The following UTRN variants were observed in gnomAD, a reference collection of about 807,000 sequenced individuals.
UTRN encodes the protein utrophin, also known as dystrophin-related protein 1.
UTRN carries 283 observed loss-of-function variants against 463.9 expected under a neutral mutation model. The observed-to-expected ratio is 0.61, with a 90% CI of 0.55 to 0.67. The LOEUF (loss-of-function observed/expected upper bound fraction) is 0.67. Among genes scored for constraint, UTRN ranks in the 30% least tolerant of loss-of-function variants. The pLI, the probability that UTRN is intolerant of heterozygous loss-of-function variation, is 0.00. For synonymous variants in UTRN, 1,442 were observed against 1,431.5 expected, an observed-to-expected ratio of 1.01 and a Z score of -0.17; for missense variants, 3,922 against 4,084.3, an observed-to-expected ratio of 0.96 and a Z score of 1.08.
chr6:144,814,765 G>A (rs1415887374), intron 65 of UTRN, among the ~76,000 whole-genome samples: 1 of 152,148 alleles, frequency 6.6e-6, no homozygotes, highest in Non-Finnish European at 1.5e-5. Context: ...AGACTATTGT[G>A]TACGTAATAT....
intron 3 of UTRN, among the ~76,000 whole-genome samples, chr6:144,406,695 C>T (rs542181844): frequency 3.3e-5 from 5 of 152,264 alleles, no homozygotes; most frequent in Admixed American, 2.6e-4. Flanking sequence ...AGAGTATCTA[C>T]GGTGCTTCTA....
intron 27 of UTRN, among the ~76,000 whole-genome samples, chr6:144,484,838 T>C (rs1792265453): frequency 6.6e-6 from 1 of 152,138 alleles, no homozygotes; most frequent in African/African-American, 2.4e-5. Flanking sequence ...GAATTTATTT[T>C]AAAGAGTGAG....
intron 2 of UTRN, among the ~76,000 whole-genome samples, chr6:144,389,258 C>T (rs1331609894): frequency 1.3e-5 from 2 of 152,318 alleles, no homozygotes; most frequent in African/African-American, 2.4e-5. Flanking sequence ...AGGAGGCAAT[C>T]AGATATGCAT....
chr6:144,307,905 A>G (rs1385189541), intron 2 of UTRN, among the ~76,000 whole-genome samples: 1 of 151,948 alleles, frequency 6.6e-6, no homozygotes, highest in Non-Finnish European at 1.5e-5. Context: ...CTGACATCAA[A>G]AGAAATTTCT....
chr6:144,784,705 C>T (rs139408104), intron 61 of UTRN, among the ~76,000 whole-genome samples: 2 of 152,272 alleles, frequency 1.3e-5, no homozygotes, highest in African/African-American at 4.8e-5. Flanking sequence ...TGTGAAATGC[C>T]GTGATTCATA....
At chr6:144,431,407 A>C (rs1785827561) in intron 9 of UTRN, among the ~76,000 whole-genome samples, 1 of 152,234 alleles carries the variant, frequency 6.6e-6, no homozygotes. Context: ...TTAGAGGCTG[A>C]ATTACGTTAA....
At chr6:144,344,489 G>A (rs905446939) in intron 2 of UTRN, among the ~76,000 whole-genome samples, 9 of 152,178 alleles carry the variant, frequency 5.9e-5, no homozygotes, top group Non-Finnish European at 1.2e-4. Context: ...AGAGACCAAC[G>A]CTGTCTGCTT....
chr6:144,562,309 G>A (rs892891522), intron 50 of UTRN, among the ~76,000 whole-genome samples: 1 of 152,094 alleles, frequency 6.6e-6, no homozygotes, highest in Admixed American at 6.6e-5. Flanking sequence ...CATTACCTAG[G>A]TAGTAAGTCC....
intron 3 of UTRN, among the ~76,000 whole-genome samples, chr6:144,414,748 C>T (rs1455753785): frequency 6.8e-6 from 1 of 146,088 alleles, no homozygotes; most frequent in Non-Finnish European, 1.5e-5. Context: ...CAGCGTATCT[C>T]TCTGTTGCCC....
At chr6:144,291,094 G>T (rs1052431378) in intron 1 of UTRN, among the ~76,000 whole-genome samples, 1 of 152,072 alleles carries the variant, frequency 6.6e-6, no homozygotes, top group Non-Finnish European at 1.5e-5. Flanking sequence ...TTTTAAAAAG[G>T]CCAATTTGAC....
intron 51 of UTRN, among the ~76,000 whole-genome samples, chr6:144,590,076 G>C (rs1420249407): frequency 1.3e-5 from 2 of 151,936 alleles, no homozygotes; most frequent in Non-Finnish European, 2.9e-5. Flanking sequence ...GCGCCGGCTG[G>C]TCTCAAACTC....
intron 49 of UTRN, 99 bp from the exon 50 acceptor site, chr6:144,557,058 A>G (rs571737265): frequency 1.1e-3 from 1,610 of 1,444,566 alleles, no homozygotes; most frequent in Non-Finnish European, 1.4e-3. Flanking sequence ...TGATATCTGT[A>G]TCTAAAGCAT....
chr6:144,390,280 C>T (rs1487118978), intron 2 of UTRN, among the ~76,000 whole-genome samples: 1 of 152,128 alleles, frequency 6.6e-6, no homozygotes, highest in African/African-American at 2.4e-5. Context: ...CTATTGCATC[C>T]ACCTCCCCCT....
At chr6:144,391,947 G>C (rs1229257237) in intron 2 of UTRN, among the ~76,000 whole-genome samples, 1 of 152,172 alleles carries the variant, frequency 6.6e-6, no homozygotes, top group East Asian at 1.9e-4. Flanking sequence ...ACAGCTCTGT[G>C]TCCTTTTGAA....
intron 23 of UTRN, among the ~76,000 whole-genome samples, chr6:144,464,390 G>A (rs994910726): frequency 1.3e-5 from 2 of 152,100 alleles, no homozygotes; most frequent in African/African-American, 2.4e-5. Flanking sequence ...GGTAGTGACA[G>A]GAGGTAGTTT....
chr6:144,461,543 A>G (rs557346180), intron 22 of UTRN, among the ~76,000 whole-genome samples: 1 of 152,354 alleles, frequency 6.6e-6, no homozygotes, highest in South Asian at 2.1e-4. Context: ...TCATAGAAGA[A>G]AAGCATATTT....
At chr6:144,672,001 A>C (rs1170409144) in intron 51 of UTRN, among the ~76,000 whole-genome samples, 8 of 152,110 alleles carry the variant, frequency 5.3e-5, no homozygotes, top group African/African-American at 1.9e-4. Context: ...CATCCCTGGT[A>C]TGAAACCCGT....
Position 144,428,782 on chromosome 6 carries a change from G to A in UTRN, c.583G>A (p.Asp195Asn). Residue 195 changes from aspartate to asparagine, a missense_variant, in exon 8 of 75, where the codon GAT becomes AAT. This residue lies in a region of UTRN where 264 missense variants were observed against 327.9 expected (regional missense o/e 0.81). Transcript: ENST00000367545. ...FNAVLHRHKP[D>N]LFSWDKVVKM... ...TTTTATTTGCATGGTTTTCAGACCT[G>A]ATCTCTTCAGCTGGGATAAAGTTGT... 1 of 1,591,536 alleles carries A rather than the reference G, an allele frequency of 6.3e-7. No homozygotes were observed. Among genetic ancestry groups the A allele is most frequent in the Non-Finnish European group, 8.6e-7 (1 of 1,168,320 alleles).
chr6:144,771,100 A>G (rs1450498729), intron 58 of UTRN, among the ~76,000 whole-genome samples: 1 of 152,164 alleles, frequency 6.6e-6, no homozygotes, highest in Non-Finnish European at 1.5e-5. Flanking sequence ...TGTTTAACAG[A>G]TATGGGTTTA....
Sources: allele counts gnomAD v4.1 joint callset (sites outside exome capture counted in the v4.1 genomes callset), GRCh38; gene constraint gnomAD v4.1.1; regional missense constraint gnomAD v4.1.1; transcripts MANE v1.5; gene names NCBI Gene and HGNC (gene_info 2026-07-23, HGNC 2026-07-21).